Variants in TLL2 observed in about 807,000 individuals in gnomAD.
TLL2 encodes tolloid like 2.
In TLL2, 106 loss-of-function variants were observed where a neutral mutation model predicts 123.0. The observed-to-expected ratio is 0.86, with a 90% CI of 0.74 to 1.01. TLL2 has a LOEUF of 1.01. TLL2 is among the 50% of genes least tolerant of loss of function. TLL2 has a pLI of 0.00. For missense variants in TLL2, 1,332 were observed against 1,336.7 expected (o/e 1.00, Z 0.06); for synonymous variants, 494 against 516.8 (o/e 0.96, Z 0.60).
Position 96,397,172 on chromosome 10 carries a change from C to T in TLL2, c.1384+14G>A, listed in dbSNP as rs1232458952. On this transcript the variant is annotated intron_variant, in intron 11 of 20. Coordinates refer to ENST00000357947, the MANE Select transcript of TLL2 (RefSeq NM_012465.4). ...TGAGGGGCCACCGAGCAGCTGCTTT[C>T]ACCTCGCACAAACCTTCGTACGCTG... 2 of 1,606,204 alleles carry T rather than the reference C, an allele frequency of 1.2e-6. No homozygotes were observed. The highest frequency in any genetic ancestry group is 1.7e-6 in the Non-Finnish European group (2 of 1,175,340).
At chr10:96,387,711 A>C (rs910174395) in intron 13 of TLL2, among the ~76,000 whole-genome samples, 2 of 152,150 alleles carry the variant, frequency 1.3e-5, no homozygotes, top group African/African-American at 4.8e-5. Context: ...GGGGCGTTGG[A>C]TGGGATTCAG....
At chr10:96,482,901 T>C (rs1418660008) in intron 1 of TLL2, among the ~76,000 whole-genome samples, 1 of 152,154 alleles carries the variant, frequency 6.6e-6, no homozygotes, top group Non-Finnish European at 1.5e-5. Context: ...ATCCTTTCAG[T>C]TGAGAAAGAA....
chr10:96,465,871 G>C (rs560169896), intron 2 of TLL2, among the ~76,000 whole-genome samples: 2 of 152,188 alleles, frequency 1.3e-5, no homozygotes, highest in Non-Finnish European at 2.9e-5. Context: ...TTACTGGACC[G>C]GTGTGGCCAA....
intron 2 of TLL2, among the ~76,000 whole-genome samples, chr10:96,468,143 C>A (rs912916815): frequency 6.6e-6 from 1 of 152,180 alleles, no homozygotes; most frequent in African/African-American, 2.4e-5. Context: ...TTCTCTTGCG[C>A]CACAGACGTG....
intron 3 of TLL2, among the ~76,000 whole-genome samples, chr10:96,438,147 A>ATTC (rs1846815155): frequency 1.3e-5 from 2 of 152,204 alleles, no homozygotes; most frequent in African/African-American, 2.4e-5. Context: ...AAAAATGAAA[A>ATTC]TAAAAAACCA....
At chr10:96,395,781 T>C (rs2134062642) in intron 12 of TLL2, 94 bp downstream of exon 12, 2 of 1,519,040 alleles carry the variant, frequency 1.3e-6, no homozygotes, top group Non-Finnish European at 1.8e-6. Context: ...TAGGTTCCTG[T>C]TTTTAGCCAA....
At chr10:96,508,398 G>A (rs966963222) in intron 1 of TLL2, among the ~76,000 whole-genome samples, 3 of 152,184 alleles carry the variant, frequency 2.0e-5, no homozygotes, top group African/African-American at 7.2e-5. Flanking sequence ...AGAGTGAGGT[G>A]AAACACCAAA....
At chr10:96,480,284 T>A in intron 2 of TLL2, 65 bp downstream of exon 2, 1 of 1,366,690 alleles carries the variant, frequency 7.3e-7, no homozygotes, top group Non-Finnish European at 1.0e-6. Context: ...GTGGACCACA[T>A]CTCCCCCTGC....
chr10:96,369,899 C>T (rs906062995), intron 20 of TLL2, among the ~76,000 whole-genome samples, 166 bp downstream of exon 20: 17 of 152,216 alleles, frequency 1.1e-4, no homozygotes, highest in Non-Finnish European at 2.2e-4. Flanking sequence ...AACCTCCTCT[C>T]CTGACGGTTC....
chr10:96,370,009 A>C lies in TLL2; in HGVS notation c.2913+56T>G. On this transcript the variant is annotated intron_variant, in intron 20 of 20. Transcript: ENST00000357947. ...GAAAGCCGGGCGTGTCTGACTCCAC[A>C]ACTCCTGCTGTGAATCATCACACTC... 2.0e-6 allele frequency: 3 copies of C among 1,492,934 alleles called. No individual in the cohort carries two copies. In the South Asian group the frequency reaches 4.1e-5, roughly 20 times the overall value. The allele number at this position is 1,492,934 out of a possible 1,614,324, so 92.5% of individuals were successfully genotyped here.
intron 2 of TLL2, among the ~76,000 whole-genome samples, chr10:96,459,732 A>ATATATATATG (rs1222156603): frequency 8.1e-6 from 1 of 123,068 alleles, no homozygotes; most frequent in African/African-American, 2.9e-5. Context: ...ATATATATAT[A>ATATATATATG]GCAGCTAAAA....
intron 4 of TLL2, among the ~76,000 whole-genome samples, chr10:96,430,812 G>T (rs541442648): frequency 6.6e-6 from 1 of 152,162 alleles, no homozygotes; most frequent in African/African-American, 2.4e-5. Flanking sequence ...AGCCTGGAAG[G>T]TTGAGGCTGC....
At chr10:96,476,290 A>T (rs7895152) in intron 2 of TLL2, among the ~76,000 whole-genome samples, 1 of 130,926 alleles carries the variant, frequency 7.6e-6, no homozygotes, top group African/African-American at 2.9e-5. Context: ...TCACTCTGTC[A>T]CTCAGATGTA....
In TLL2 at chr10:96,472,746, G is replaced by T. The variant is rs1847196518; in HGVS notation, c.286+7603C>A. Among the ~76,000 whole-genome samples, 6 of 151,472 alleles carry T rather than the reference G, an allele frequency of 4.0e-5. 2 individuals carry two copies. The South Asian group carries it at 1.3e-3, about 32-fold the overall frequency. Reference sequence around the variant, plus strand: ...AGCCTGAGTGACACAGCAAAATCCTGTCTCAAAAAAAAGAAAAAAAGAAAA... The same window carrying T: ...AGCCTGAGTGACACAGCAAAATCCTTTCTCAAAAAAAAGAAAAAAAGAAAA... On this transcript the variant is annotated intron_variant, in intron 2 of 20. Coordinates refer to ENST00000357947, the MANE Select transcript of TLL2 (RefSeq NM_012465.4).
intron 5 of TLL2, among the ~76,000 whole-genome samples, chr10:96,427,976 T>C (rs1427762049): frequency 7.0e-6 from 1 of 142,882 alleles, no homozygotes; most frequent in African/African-American, 2.5e-5. Flanking sequence ...GTATTTTTAG[T>C]AGAGATGGGG....
chr10:96,440,933 G>A (rs760493487), intron 3 of TLL2, among the ~76,000 whole-genome samples: 3 of 152,126 alleles, frequency 2.0e-5, no homozygotes, highest in Non-Finnish European at 2.9e-5. Flanking sequence ...ATCTGGAATC[G>A]GAGTCCAAAT....
chr10:96,431,574 A>G (rs536865448), intron 4 of TLL2, among the ~76,000 whole-genome samples: 1 of 152,282 alleles, frequency 6.6e-6, no homozygotes, highest in South Asian at 2.1e-4. Flanking sequence ...CATTGGCCGC[A>G]GGTACGCAGT....
At chr10:96,379,165 T>C in intron 16 of TLL2, 73 bp from the exon 17 acceptor site, 3 of 1,566,788 alleles carry the variant, frequency 1.9e-6, no homozygotes, top group Non-Finnish European at 2.6e-6. Flanking sequence ...AGAATCCCAC[T>C]TAAAAGTGGC....
At chr10:96,418,401 C>T (rs1323144595) in intron 7 of TLL2, among the ~76,000 whole-genome samples, 1 of 152,166 alleles carries the variant, frequency 6.6e-6, no homozygotes, top group Non-Finnish European at 1.5e-5. Flanking sequence ...TACAGACTTA[C>T]AGATTCACCT....
Sources: gnomAD v4.1 joint callset for allele counts (sites outside exome capture counted in the v4.1 genomes callset) on GRCh38, gnomAD v4.1.1 for gene constraint, MANE v1.5 for transcripts, NCBI Gene and HGNC (gene_info 2026-07-23, HGNC 2026-07-21) for gene names.